The following SCAPER variants were observed in gnomAD, a reference collection of about 807,000 sequenced individuals.
SCAPER encodes S-phase cyclin A associated protein in the ER, also known as S phase cyclin A-associated protein in the endoplasmic reticulum.
SCAPER carries 98 observed loss-of-function variants against 182.2 expected under a neutral mutation model. The ratio of observed to expected loss-of-function variants is 0.54; its 90% CI spans 0.46 to 0.64. The LOEUF (loss-of-function observed/expected upper bound fraction) is 0.64. Among genes scored for constraint, SCAPER ranks in the 30% least tolerant of loss-of-function variants. The probability of loss-of-function intolerance (pLI) is 0.00; values close to 1 mark genes in which losing one functional copy is unlikely to be tolerated. For synonymous variants in SCAPER, 605 were observed against 564.6 expected, an observed-to-expected ratio of 1.07 and a Z score of -1.01; for missense variants, 1,432 against 1,690.0, an observed-to-expected ratio of 0.85 and a Z score of 2.68.
At chr15:76,771,054 T>C (rs894042484) in intron 10 of SCAPER, among the ~76,000 whole-genome samples, 1 of 152,134 alleles carries the variant, frequency 6.6e-6, no homozygotes, top group East Asian at 1.9e-4. Flanking sequence ...GAAGAAATTA[T>C]AGTCCACAGC....
intron 2 of SCAPER, among the ~76,000 whole-genome samples, chr15:76,872,882 T>TA (rs1489618089): frequency 6.6e-6 from 1 of 151,818 alleles, no homozygotes; most frequent in Non-Finnish European, 1.5e-5. Flanking sequence ...AGTAAACAAT[T>TA]AAAGTGGATA....
chr15:76,673,986 CACA>C lies in SCAPER; in HGVS notation c.2509-8200_2509-8198del, dbSNP rs1407289533. On this transcript the variant is annotated intron_variant, in intron 20 of 31. Transcript: ENST00000563290. ...ACACACACACACACACACACACACA[CACA>C]CCCCAATCAGATAACTTTGGAGGAT... Among the ~76,000 whole-genome samples the C allele has an allele frequency of 1.2e-4, 18 of 146,654 alleles. 1 individual carries two copies. In the East Asian group the frequency reaches 1.9e-3, roughly 16 times the overall value.
At chr15:76,352,343 T>C (rs534184621) in intron 30 of SCAPER, among the ~76,000 whole-genome samples, 2 of 152,232 alleles carry the variant, frequency 1.3e-5, no homozygotes, top group African/African-American at 2.4e-5. Flanking sequence ...AAGGCAGGAA[T>C]TTTTATCTGT....
At chr15:76,767,172 C>T (rs2063166770) in intron 10 of SCAPER, 84 bp from the exon 11 acceptor site, 1 of 1,194,548 alleles carries the variant, frequency 8.4e-7, no homozygotes, top group Non-Finnish European at 1.2e-6. Context: ...AACATGAACT[C>T]AACAGTATAC....
At chr15:76,681,325 T>A (rs1002327921) in intron 20 of SCAPER, among the ~76,000 whole-genome samples, 1 of 152,184 alleles carries the variant, frequency 6.6e-6, no homozygotes, top group African/African-American at 2.4e-5. Flanking sequence ...AAATACTGTG[T>A]CCACTTAAAA....
chr15:76,659,159 A>G (rs892942575), intron 21 of SCAPER, among the ~76,000 whole-genome samples: 4 of 152,236 alleles, frequency 2.6e-5, no homozygotes, highest in Non-Finnish European at 4.4e-5. Flanking sequence ...GGGAGAAAAT[A>G]TTTGCAAACC....
chr15:76,831,122 G>C (rs1180933543), intron 5 of SCAPER, among the ~76,000 whole-genome samples: 3 of 152,150 alleles, frequency 2.0e-5, no homozygotes, highest in Non-Finnish European at 4.4e-5. Context: ...GGTTAGGCAT[G>C]GGGACAGCTA....
chr15:76,718,036 C>T (rs1015597782), intron 17 of SCAPER, among the ~76,000 whole-genome samples: 35 of 152,044 alleles, frequency 2.3e-4, no homozygotes, highest in African/African-American at 8.5e-4. Flanking sequence ...CAAAACAAGT[C>T]GTCTTAACAA....
intron 5 of SCAPER, among the ~76,000 whole-genome samples, chr15:76,834,045 G>A (rs1247245738): frequency 6.6e-6 from 1 of 151,894 alleles, no homozygotes; most frequent in African/African-American, 2.4e-5. Flanking sequence ...AATGACAAAT[G>A]AATATAAATT....
At position 76,574,493 on chromosome 15, in the gene SCAPER, G is replaced by T. The variant is rs56165653; in HGVS notation, c.2712-209C>A. ...AATTCATTCTTCATGGCACAAAACAGAACTAGAGGATAGTATTATCAATCT... is the reference window on the plus strand; with the variant it reads ...AATTCATTCTTCATGGCACAAAACATAACTAGAGGATAGTATTATCAATCT... On this transcript the variant is annotated intron_variant, in intron 22 of 31. Transcript: ENST00000563290. 3.3e-3 allele frequency among the ~76,000 whole-genome samples: 498 copies of T among 152,224 alleles called. 5 individuals are homozygous for T. Among genetic ancestry groups the T allele is most frequent in the African/African-American group, 0.011 (467 of 41,538 alleles).
At chr15:76,437,354 C>T (rs1243035020) in intron 25 of SCAPER, among the ~76,000 whole-genome samples, 2 of 151,838 alleles carry the variant, frequency 1.3e-5, no homozygotes, top group African/African-American at 4.8e-5. Context: ...CATGTGCTTT[C>T]CAGATTGAAA....
chr15:76,389,585 G>A lies in SCAPER; in HGVS notation c.3468-7970C>T, dbSNP rs544115678. Among the ~76,000 whole-genome samples the A allele has an allele frequency of 2.6e-4, 39 of 148,148 alleles. 1 individual carries two copies. The South Asian group carries it at 5.6e-3, about 21-fold the overall frequency. Reference sequence around the variant, plus strand: ...TCCCAGCACTTTGGGAGGCCGAGGCGGGCAGATCACGAGGTCAGGTGATCG... The same window carrying A: ...TCCCAGCACTTTGGGAGGCCGAGGCAGGCAGATCACGAGGTCAGGTGATCG... On this transcript the variant is annotated intron_variant, in intron 27 of 31. Transcript: ENST00000563290.
At chr15:76,566,727 T>C in intron 23 of SCAPER, among the ~76,000 whole-genome samples, 1 of 152,212 alleles carries the variant, frequency 6.6e-6, no homozygotes, top group East Asian at 1.9e-4. Flanking sequence ...TAATTGAACA[T>C]TTCTTCAATA....
chr15:76,739,365 C>T (rs916262329), intron 15 of SCAPER, among the ~76,000 whole-genome samples: 14 of 152,176 alleles, frequency 9.2e-5, no homozygotes, highest in African/African-American at 2.4e-4. Context: ...AGAACTTTCA[C>T]GCTTTCATTT....
intron 4 of SCAPER, among the ~76,000 whole-genome samples, chr15:76,851,220 T>A (rs1468725345): frequency 6.6e-6 from 1 of 151,726 alleles, no homozygotes; most frequent in African/African-American, 2.4e-5. Context: ...ATCACTGGCA[T>A]CCCTGAAAAG....
intron 21 of SCAPER, among the ~76,000 whole-genome samples, chr15:76,648,666 A>G (rs928955514): frequency 2.0e-5 from 3 of 152,240 alleles, no homozygotes; most frequent in Admixed American, 2.0e-4. Context: ...AGTCCTCAGT[A>G]ACATTTCCTT....
At chr15:76,741,744 T>C (rs2061551241) in intron 15 of SCAPER, among the ~76,000 whole-genome samples, 1 of 151,982 alleles carries the variant, frequency 6.6e-6, no homozygotes, top group Non-Finnish European at 1.5e-5. Flanking sequence ...TTTCCAAATC[T>C]AGGTTAATGG....
intron 24 of SCAPER, among the ~76,000 whole-genome samples, chr15:76,473,594 T>C (rs963493510): frequency 3.9e-5 from 6 of 152,186 alleles, no homozygotes; most frequent in Admixed American, 1.3e-4. Context: ...TTCTTAAACA[T>C]GTGATTCACA....
At chr15:76,682,451 G>T (rs562322329) in intron 20 of SCAPER, among the ~76,000 whole-genome samples, 1 of 151,968 alleles carries the variant, frequency 6.6e-6, no homozygotes, top group South Asian at 2.1e-4. Context: ...CTGCAAGCGC[G>T]AGTGCAAACA....
Sources: allele counts gnomAD v4.1 joint callset (sites outside exome capture counted in the v4.1 genomes callset), GRCh38; gene constraint gnomAD v4.1.1; transcripts MANE v1.5; gene names NCBI Gene and HGNC (gene_info 2026-07-23, HGNC 2026-07-21).